Variants in ZNF341 observed in about 807,000 individuals in gnomAD.
ZNF341 encodes the protein zinc finger protein 341.
In ZNF341, 52 loss-of-function variants were observed where a neutral mutation model predicts 87.7. That is an observed-to-expected ratio of 0.59 (90% CI 0.47 to 0.75). The LOEUF (loss-of-function observed/expected upper bound fraction) is 0.75. ZNF341 is among the 30% of genes least tolerant of loss of function. ZNF341 has a pLI of 0.00. For synonymous variants in ZNF341, 459 were observed against 472.7 expected (o/e 0.97, Z 0.38); for missense variants, 977 against 1,145.9 (o/e 0.85, Z 2.13).
chr20:33,763,199 G>A (rs1202648415), intron 8 of ZNF341, among the ~76,000 whole-genome samples: 2 of 152,170 alleles, frequency 1.3e-5, no homozygotes, highest in East Asian at 3.8e-4. Flanking sequence ...TTTAGATTTA[G>A]AGGGTACATG....
At chr20:33,735,892 G>A (rs1347161056) in intron 1 of ZNF341, among the ~76,000 whole-genome samples, 1 of 151,860 alleles carries the variant, frequency 6.6e-6, no homozygotes, top group Non-Finnish European at 1.5e-5. Flanking sequence ...GTAAAATTTT[G>A]TGATTTCAAG....
intron 12 of ZNF341, chr20:33,787,720 T>C (rs905366366): frequency 6.6e-6 from 1 of 152,278 alleles, no homozygotes; most frequent in Non-Finnish European, 1.5e-5. Context: ...CCCGCAACCA[T>C]AGGGGTAGCC....
At chr20:33,750,890 C>A (rs979414971) in intron 4 of ZNF341, among the ~76,000 whole-genome samples, 1 of 152,144 alleles carries the variant, frequency 6.6e-6, no homozygotes, top group African/African-American at 2.4e-5. Flanking sequence ...ATCTGCCCAC[C>A]TTGGCCTCCC....
chr20:33,766,918 G>A lies in ZNF341; in HGVS notation c.1290G>A (p.Gly430=). Residue 430 remains glycine, a synonymous_variant, in exon 9 of 15, where the codon GGG becomes GGA. Transcript: ENST00000375200. ...TGTCCACAGCTGGTGAGGAAGAGGG[G>A]GACAAGCCGGAGTCCAAGCAGGTGG... The part of the protein sequence containing the change: ...QALSTAGEEE[G]DKPESKQVVL... 1 of 1,614,148 alleles carries A rather than the reference G, an allele frequency of 6.2e-7. No individual in the cohort carries two copies. The highest frequency in any genetic ancestry group is 8.5e-7 in the Non-Finnish European group (1 of 1,180,006).
chr20:33,783,747 C>CGCTACCTG lies in ZNF341; in HGVS notation c.1736_1743dup (p.Arg582AlafsTer59). On this transcript the variant is annotated frameshift_variant, in exon 12 of 15. Coordinates refer to ENST00000375200, the MANE Select transcript of ZNF341 (RefSeq NM_001282933.2). LOFTEE classifies it high-confidence loss of function. ...TCTCTCCCAGGTGTTTCCTTGTGAACGCTACCTGCGGCGTCATCTGCCCAC... is the reference window on the plus strand; with the variant it reads ...TCTCTCCCAGGTGTTTCCTTGTGAACGCTACCTGGCTACCTGCGGCGTCATCTGCCCAC... 1 of 1,613,852 alleles carries CGCTACCTG rather than the reference C, an allele frequency of 6.2e-7. No homozygotes were observed. Among genetic ancestry groups the CGCTACCTG allele is most frequent in the Non-Finnish European group, 8.5e-7 (1 of 1,179,888 alleles).
rs1351799527 is a variant in ZNF341 at position 33,761,865 on chromosome 20, C to T, written c.1032C>T (p.His344=). Residue 344 remains histidine (H), a synonymous_variant, in exon 8 of 15, where the codon CAC becomes CAT. Coordinates refer to ENST00000375200, the MANE Select transcript of ZNF341 (RefSeq NM_001282933.2). The stretch of plus-strand genomic sequence containing the variant: ...CTGACAAGCTTGTCTTCCACAGCCA[C>T]ACCGGTGAGAAGCCCTTCCAGTGCA... ...NFDLQQHIRS[H]TGEKPFQCIA... 5 of 1,527,920 alleles carry T rather than the reference C, an allele frequency of 3.3e-6. No individual in the cohort carries two copies. The highest frequency in any genetic ancestry group is 4.5e-6 in the Non-Finnish European group (5 of 1,121,452). The allele number at this position is 1,527,920 out of a possible 1,614,324, so 94.6% of individuals were successfully genotyped here.
chr20:33,740,191 A>C (rs767665594), intron 1 of ZNF341, among the ~76,000 whole-genome samples: 1 of 152,018 alleles, frequency 6.6e-6, no homozygotes, highest in African/African-American at 2.4e-5. Flanking sequence ...CTACGATCCT[A>C]AGGTTGTCCT....
chr20:33,753,725 C>T (rs1021255841), intron 5 of ZNF341, among the ~76,000 whole-genome samples: 6 of 150,734 alleles, frequency 4.0e-5, no homozygotes, highest in African/African-American at 1.5e-4. Context: ...CCTTTTCAGG[C>T]AAAAAAAAGA....
At chr20:33,764,353 T>C (rs932001199) in intron 8 of ZNF341, among the ~76,000 whole-genome samples, 1 of 151,006 alleles carries the variant, frequency 6.6e-6, no homozygotes. Context: ...CAAAAAGTTC[T>C]GTCTTTAATG....
chr20:33,736,531 C>G (rs1769276669), intron 1 of ZNF341, among the ~76,000 whole-genome samples: 1 of 152,094 alleles, frequency 6.6e-6, no homozygotes, highest in Admixed American at 6.6e-5. Flanking sequence ...TCACTGTTGC[C>G]CAGGCTGGAG....
chr20:33,746,079 C>T (rs952323708), intron 3 of ZNF341, among the ~76,000 whole-genome samples: 18 of 150,836 alleles, frequency 1.2e-4, no homozygotes, highest in Non-Finnish European at 1.5e-4. Context: ...TACAGGTGCC[C>T]GCCACCACAC....
intron 5 of ZNF341, among the ~76,000 whole-genome samples, chr20:33,756,148 G>C (rs1269268936): frequency 6.6e-6 from 1 of 151,914 alleles, no homozygotes; most frequent in African/African-American, 2.4e-5. Flanking sequence ...GCTTGAGCCT[G>C]GGAGGTCAAG....
At chr20:33,752,658 T>C (rs2019086669) in intron 4 of ZNF341, 11 of 242,104 alleles carry the variant, frequency 4.5e-5, no homozygotes, top group Non-Finnish European at 4.8e-5. Flanking sequence ...TTTTCTTTTT[T>C]TTTTTTTTTT....
intron 10 of ZNF341, among the ~76,000 whole-genome samples, chr20:33,771,454 C>G (rs1157073558): frequency 6.6e-6 from 1 of 151,710 alleles, no homozygotes; most frequent in Non-Finnish European, 1.5e-5. Flanking sequence ...CCATGTTGCT[C>G]AGGCTGGTCT....
chr20:33,765,540 A>G (rs1390201021), intron 8 of ZNF341, among the ~76,000 whole-genome samples: 1 of 151,528 alleles, frequency 6.6e-6, no homozygotes, highest in East Asian at 1.9e-4. Context: ...AACCATGCCC[A>G]GCTAATTTTG....
chr20:33,790,667 C>T (rs2019990285), intron 14 of ZNF341, among the ~76,000 whole-genome samples: 1 of 152,144 alleles, frequency 6.6e-6, no homozygotes, highest in African/African-American at 2.4e-5. Context: ...TGTGGGTGGC[C>T]TCAGGCGTCA....
intron 10 of ZNF341, 80 bp downstream of exon 10, chr20:33,770,372 T>G: frequency 2.1e-6 from 3 of 1,409,834 alleles, no homozygotes; most frequent in Non-Finnish European, 2.9e-6. Context: ...TTGGTGGTTC[T>G]GACTGCTTAG....
intron 8 of ZNF341, among the ~76,000 whole-genome samples, chr20:33,766,474 T>G (rs2019408962): frequency 6.6e-6 from 1 of 152,066 alleles, no homozygotes; most frequent in Admixed American, 6.6e-5. Flanking sequence ...GGATTACAGG[T>G]GTGAGCCATC....
chr20:33,769,130 TACAAATTA>T (rs977515115), intron 9 of ZNF341, among the ~76,000 whole-genome samples: 1 of 152,192 alleles, frequency 6.6e-6, no homozygotes, highest in African/African-American at 2.4e-5. Context: ...ATTAGTTTTT[TACAAATTA>T]ACAAATTAAC....
Sources: allele counts gnomAD v4.1 joint callset (sites outside exome capture counted in the v4.1 genomes callset), GRCh38; gene constraint gnomAD v4.1.1; transcripts MANE v1.5; gene names NCBI Gene and HGNC (gene_info 2026-07-23, HGNC 2026-07-21).